EMID1: variants seen among roughly 807,000 people sequenced by gnomAD.
EMID1 encodes the protein EMI domain containing 1, also known as EMI domain-containing protein 1.
A neutral mutation model predicts 60.6 loss-of-function variants in EMID1; 40 were observed. The ratio of observed to expected loss-of-function variants is 0.66; its 90% CI spans 0.51 to 0.86. The LOEUF (loss-of-function observed/expected upper bound fraction) is 0.86. Ranked by LOEUF, EMID1 falls within the 40% of genes least tolerant of loss-of-function variation. The pLI, the probability that EMID1 is intolerant of heterozygous loss-of-function variation, is 0.00. For synonymous variants in EMID1, 242 were observed against 231.0 expected (o/e 1.05, Z -0.43); for missense variants, 585 against 597.1 (o/e 0.98, Z 0.21).
intron 2 of EMID1, 106 bp downstream of exon 2, chr22:29,215,145 C>G: frequency 7.0e-7 from 1 of 1,430,814 alleles, no homozygotes; most frequent in Non-Finnish European, 9.2e-7. Flanking sequence ...GACTGGACCC[C>G]AGGGTGGGCG....
intron 13 of EMID1, among the ~76,000 whole-genome samples, chr22:29,245,729 G>C (rs764277878): frequency 1.3e-5 from 2 of 152,224 alleles, no homozygotes; most frequent in Non-Finnish European, 1.5e-5. Flanking sequence ...TGGTGGTCAT[G>C]ATAGTGCACT....
intron 1 of EMID1, among the ~76,000 whole-genome samples, chr22:29,213,682 T>C (rs1319372700): frequency 6.6e-6 from 1 of 152,088 alleles, no homozygotes; most frequent in African/African-American, 2.4e-5. Context: ...GGCCCTGTGC[T>C]TTTTGCAGGG....
At chr22:29,253,487 CAGG>C (rs35044167) in intron 13 of EMID1, among the ~76,000 whole-genome samples, 19,765 of 152,048 alleles carry the variant, frequency 0.13, 1,431 homozygotes, top group East Asian at 0.22. Context: ...GAGGCTGAGG[CAGG>C]AGAATCGCTT....
At chr22:29,241,141 G>A (rs1156640506) in intron 12 of EMID1, among the ~76,000 whole-genome samples, 2 of 152,088 alleles carry the variant, frequency 1.3e-5, no homozygotes, top group Admixed American at 6.6e-5. Context: ...CCCTAAGACT[G>A]GTCTACACTG....
Position 29,258,756 on chromosome 22 carries a change from G to A in EMID1, c.1205-61G>A, listed in dbSNP as rs536316643. ...TCTGCCACCCCCTAGAGGGCCAAGG[G>A]GAGGTGGGCACCTCACATGAACCCC... On this transcript the variant is annotated intron_variant, in intron 14 of 14. Coordinates refer to ENST00000334018, the MANE Select transcript of EMID1 (RefSeq NM_133455.4). 1.3e-5 allele frequency: 21 copies of A among 1,594,038 alleles called. No homozygotes were observed. In the African/African-American group the frequency reaches 2.8e-4, roughly 22 times the overall value.
chr22:29,231,264 C>A, intron 6 of EMID1, 124 bp downstream of exon 6: 1 of 1,393,470 alleles, frequency 7.2e-7, no homozygotes, highest in Non-Finnish European at 9.6e-7. Context: ...CTCAGTCTTC[C>A]CATTTCCCGT....
intron 12 of EMID1, among the ~76,000 whole-genome samples, chr22:29,240,724 T>A (rs6006072): frequency 0.14 from 21,435 of 152,262 alleles, 1,774 homozygotes; most frequent in East Asian, 0.23. Flanking sequence ...AACCCCCACA[T>A]CCTTGCCACC....
In EMID1 at chr22:29,231,689, G is replaced by C; in HGVS notation, c.676+7G>C. On this transcript the variant is annotated splice_region_variant and intron_variant, in intron 7 of 14. Transcript: ENST00000334018. ...GGGATGAGAGGCCCACCAGGTGAGT[G>C]CCCGCAATGCTGCCCCACAGCTCCT... is the stretch of plus-strand genomic sequence containing the variant. 6.9e-7 allele frequency: 1 copy of C among 1,450,300 alleles called. No homozygotes were observed. Among genetic ancestry groups the C allele is most frequent in the South Asian group, 1.5e-5 (1 of 67,458 alleles). The allele number at this position is 1,450,300 out of a possible 1,614,324, so 89.8% of individuals were successfully genotyped here.
intron 13 of EMID1, among the ~76,000 whole-genome samples, chr22:29,247,732 C>T (rs766444769): frequency 2.0e-5 from 3 of 151,940 alleles, no homozygotes; most frequent in Admixed American, 6.6e-5. Flanking sequence ...CAGGTTCAAG[C>T]GATTCTCTTG....
intron 12 of EMID1, 90 bp from the exon 13 acceptor site, chr22:29,243,354 CT>C (rs1351321800): frequency 3.8e-6 from 5 of 1,331,288 alleles, no homozygotes; most frequent in Non-Finnish European, 2.1e-6. Flanking sequence ...GTTTCTCTCC[CT>C]TTCCCCGCTC....
At chr22:29,216,829 T>A (rs1178090559) in intron 3 of EMID1, among the ~76,000 whole-genome samples, 4 of 152,138 alleles carry the variant, frequency 2.6e-5, no homozygotes, top group Non-Finnish European at 5.9e-5. Context: ...GAGTACCCAG[T>A]GAAGCCGGGA....
chr22:29,233,690 C>T (rs770174277), intron 10 of EMID1, 24 bp downstream of exon 10: 3 of 1,609,516 alleles, frequency 1.9e-6, no homozygotes, highest in East Asian at 2.2e-5. Context: ...CTTGTACTCT[C>T]ACCCATGTGT....
intron 13 of EMID1, among the ~76,000 whole-genome samples, chr22:29,246,650 G>A (rs1376834483): frequency 6.6e-6 from 1 of 152,202 alleles, no homozygotes; most frequent in Non-Finnish European, 1.5e-5. Flanking sequence ...CTGTGTTACA[G>A]CCAAGTAGGG....
At position 29,233,985 on chromosome 22, in the gene EMID1, C is replaced by T. The variant is rs1050709941; in HGVS notation, c.967-152C>T. Reference sequence around the variant, plus strand: ...CAGGATCAGATCTTTTAACACTGAGCTGTATGAACTGACTGCGGTGTGCTG... The same window carrying T: ...CAGGATCAGATCTTTTAACACTGAGTTGTATGAACTGACTGCGGTGTGCTG... On this transcript the variant is annotated intron_variant, in intron 10 of 14. Transcript: ENST00000334018. The T allele has an allele frequency of 2.0e-5, 16 of 799,060 alleles. No homozygotes were observed. The African/African-American group carries it at 2.8e-4, about 14-fold the overall frequency. 49.5% of individuals were successfully genotyped at this position (799,060 alleles called of 1,614,324 possible).
At chr22:29,228,959 C>CA (rs2040629721) in intron 5 of EMID1, among the ~76,000 whole-genome samples, 1 of 152,068 alleles carries the variant, frequency 6.6e-6, no homozygotes, top group Admixed American at 6.6e-5. Context: ...GAAAACCAGG[C>CA]AAAAGAAGGC....
rs1445158065 is a variant in EMID1, at chr22:29,211,051, G to C, written c.102-3875G>C. ...TGTGTGGACATGCCCAGAGATCACA[G>C]CTTCAGCCTATATGCGTCCATGCGA... On this transcript the variant is annotated intron_variant, in intron 1 of 14. Coordinates refer to ENST00000334018, the MANE Select transcript of EMID1 (RefSeq NM_133455.4). 3.9e-5 allele frequency among the ~76,000 whole-genome samples: 6 copies of C among 152,202 alleles called. No homozygotes were observed. The East Asian group carries it at 1.2e-3, about 29-fold the overall frequency.
intron 12 of EMID1, among the ~76,000 whole-genome samples, chr22:29,237,591 G>A (rs1302609246): frequency 7.0e-6 from 1 of 143,792 alleles, no homozygotes; most frequent in Non-Finnish European, 1.5e-5. Flanking sequence ...GAGGTCAGGA[G>A]ATGGAGACCA....
rs1012242433 is a variant in EMID1 at position 29,237,908 on chromosome 22, G to T, written c.1074+3559G>T. The stretch of plus-strand genomic sequence containing the variant: ...TGGCTTTATTTGTGATTCTAGAATC[G>T]GGCAACACTTCATTCCATAAAATAA... On this transcript the variant is annotated intron_variant, in intron 12 of 14. Coordinates refer to ENST00000334018, the MANE Select transcript of EMID1 (RefSeq NM_133455.4). 1.4e-5 allele frequency among the ~76,000 whole-genome samples: 2 copies of T among 144,296 alleles called. 1 individual carries two copies. 94.7% of individuals were successfully genotyped at this position (144,296 alleles called of 152,430 possible).
Position 29,215,622 on chromosome 22 carries a change from G to T in EMID1, c.311G>T (p.Cys104Phe). 1 of 1,614,012 alleles carries T rather than the reference G, an allele frequency of 6.2e-7. No homozygotes were observed. The highest frequency in any genetic ancestry group is 1.1e-5 in the South Asian group (1 of 91,088). ...RCCPGHSGVSCEEVAASSASL... is the reference protein window; with the variant it reads ...RCCPGHSGVSFEEVAASSASL... ...TGCCCTGGGCACTCAGGAGTGAGCT[G>T]CGAGGAAGGTAGGACTGCCCGGCCG... is the stretch of plus-strand genomic sequence containing the variant. Residue 104 changes from cysteine (C) to phenylalanine (F), a missense_variant, in exon 3 of 15, where the codon TGC becomes TTC. Transcript: ENST00000334018.
Sources: allele counts gnomAD v4.1 joint callset (sites outside exome capture counted in the v4.1 genomes callset), GRCh38; gene constraint gnomAD v4.1.1; transcripts MANE v1.5; gene names NCBI Gene and HGNC (gene_info 2026-07-23, HGNC 2026-07-21).